Variants in USP11 observed in about 807,000 individuals in gnomAD.
The protein encoded by USP11 is ubiquitin carboxyl-terminal hydrolase 11.
In USP11, 5 loss-of-function variants were observed where a neutral mutation model predicts 72.8. That is an observed-to-expected ratio of 0.07 (90% CI 0.04 to 0.14). USP11 has a LOEUF of 0.14. Ranked by LOEUF, USP11 falls within the 10% of genes least tolerant of loss-of-function variation. The pLI is 1.00. For synonymous variants in USP11, 368 were observed against 326.5 expected (o/e 1.13, Z -1.37); for missense variants, 480 against 794.7 (o/e 0.60, Z 4.76).
At chrX:47,241,481 C>T (rs200500834) in intron 8 of USP11, 31 bp downstream of exon 8, 4 of 1,190,680 alleles carry the variant, frequency 3.4e-6, no homozygotes, top group Non-Finnish European at 4.5e-6. Context: ...CCCCCGACCC[C>T]CTACGTCTCT....
rs138367954 is a variant in USP11, at chrX:47,242,288, G to A, written c.1386G>A (p.Pro462=). 2.6e-3 allele frequency: 3,178 copies of A among 1,210,278 alleles called. 110 individuals are homozygous for A. The East Asian group carries it at 0.077, about 29-fold the overall frequency. ...AGGTCTTCTTTATCCCCATGGATCC[G>A]CGCCGCAAGCCAGAGCAGGTGTGGG... ...VLEVFFIPMD[P]RRKPEQHRLV... The change falls in exon 10 of 21, where the codon CCG becomes CCA. Residue 462 remains proline (P), a synonymous_variant. Coordinates refer to ENST00000377107, the MANE Select transcript of USP11 (RefSeq NM_001371072.1).
At chrX:47,235,760 ATGAGT>A (rs1314242504) in intron 1 of USP11, among the ~76,000 whole-genome samples, 4 of 110,732 alleles carry the variant, frequency 3.6e-5, no homozygotes, top group Admixed American at 2.9e-4. Context: ...TACTGGGGAG[ATGAGT>A]TGAGATTTTC....
chrX:47,233,226 C>G lies in USP11; in HGVS notation c.176+7C>G. 1 of 1,141,687 alleles carries G rather than the reference C, an allele frequency of 8.8e-7. No homozygotes were observed. Among genetic ancestry groups the G allele is most frequent in the South Asian group, 1.9e-5 (1 of 51,726 alleles). The allele number at this position is 1,141,687 out of a possible 1,213,427, so 94.1% of individuals were successfully genotyped here. On this transcript the variant is annotated splice_region_variant and intron_variant, in intron 1 of 20. Transcript: ENST00000377107. ...TGCGGGCCGGCGAAAGCTGGTGAGG[C>G]TGGGCTGCGGTGGAGCCTCGGCAGA... is the stretch of plus-strand genomic sequence containing the variant.
chrX:47,243,279 A>AT (rs2055413540), intron 12 of USP11, 117 bp from the exon 13 acceptor site: 1 of 682,317 alleles, frequency 1.5e-6, no homozygotes, highest in Admixed American at 4.1e-5. Context: ...AAATAAATAA[A>AT]TAAATAAAAA....
rs769015757 is a variant in USP11, at chrX:47,237,617, AATG to A, written c.177-1450_177-1448del. ...GACAGAGCAAGACTCTGTCTCAAAA[AATG>A]ATAATAATAATAATGAGGTTAAATT... is the stretch of plus-strand genomic sequence containing the variant. On this transcript the variant is annotated intron_variant, in intron 1 of 20. Transcript: ENST00000377107. Among the ~76,000 whole-genome samples, 273 of 111,533 alleles carry A rather than the reference AATG, an allele frequency of 2.4e-3. 3 individuals are homozygous for A. The highest frequency in any genetic ancestry group is 8.5e-4 in the Non-Finnish European group (45 of 53,058).
chrX:47,233,796 GTGGAGGGGAGGTGGTGCCTATGAGGCAGA>G, intron 1 of USP11: 3 of 44,213 alleles, frequency 6.8e-5, no homozygotes, highest in Non-Finnish European at 3.0e-4. Context: ...AGGGACGACA[GTGGAGGGGAGGTGGTGCCTATGAGGCAGA>G]AAATGGCGCC....
chrX:47,233,519 G>A, intron 1 of USP11: 1 of 938,590 alleles, frequency 1.1e-6, no homozygotes, highest in South Asian at 4.3e-5. Flanking sequence ...AACTGCGTAG[G>A]AACCTGGGAA....
rs1423691689 is a variant in USP11, at chrX:47,233,072, C to T, written c.29C>T (p.Ala10Val). The T allele has an allele frequency of 8.3e-7, 1 of 1,208,518 alleles. No homozygotes were observed. Among genetic ancestry groups the T allele is most frequent in the Middle Eastern group, 2.4e-4 (1 of 4,234 alleles). ...GCGACGGTCGCAGCAAATCCAGCTG[C>T]TGCTGCGGCGGCTGTGGCGGCGGCA... MATVAANPA[A>V]AAAAVAAAAA... The change falls in exon 1 of 21, where the codon GCT becomes GTT. Residue 10 changes from alanine (A) to valine (V), a missense_variant. Ala to Val is a moderately conservative substitution (Grantham distance 64). This residue lies in a region of USP11 where 71 missense variants were observed against 71.4 expected (regional missense o/e 0.99). Transcript: ENST00000377107.
chrX:47,233,191 G>A lies in USP11; in HGVS notation c.148G>A (p.Glu50Lys), dbSNP rs749048718. Residue 50 changes from glutamate (E) to lysine (K), a missense_variant, in exon 1 of 21, where the codon GAA (glutamate) becomes AAA (lysine). By Grantham distance (56) the Glu-to-Lys change is moderately conservative. Coordinates refer to ENST00000377107, the MANE Select transcript of USP11 (RefSeq NM_001371072.1). ...RQIENGESGR[E>K]RPLRAGESWF... The stretch of plus-strand genomic sequence containing the variant: ...GATAGAAAACGGCGAGAGTGGGCGA[G>A]AACGTCCACTGCGGGCCGGCGAAAG... The A allele has an allele frequency of 1.0e-5, 12 of 1,179,107 alleles. No individual in the cohort carries two copies. The African/African-American group carries it at 2.1e-4, about 21-fold the overall frequency.
chrX:47,234,159 C>T, intron 1 of USP11, among the ~76,000 whole-genome samples: 1 of 111,249 alleles, frequency 9.0e-6, no homozygotes, highest in Middle Eastern at 4.7e-3. Flanking sequence ...TTATATAAAA[C>T]ATTTACGCAG....
intron 1 of USP11, among the ~76,000 whole-genome samples, chrX:47,237,786 ATGTGTG>A (rs763902030): frequency 0.076 from 2,898 of 38,314 alleles, 122 homozygotes; most frequent in African/African-American, 0.14. Context: ...GTGTGTGTGT[ATGTGTG>A]TGTGTGTGTG....
chrX:47,245,435 C>A lies in USP11; in HGVS notation c.2223C>A (p.Cys741Ter), dbSNP rs781395709. 8.3e-7 allele frequency: 1 copy of A among 1,209,818 alleles called. No individual in the cohort carries two copies. Among genetic ancestry groups the A allele is most frequent in the South Asian group, 1.8e-5 (1 of 56,834 alleles). Reference protein sequence around the residue: ...MKKAPVRLQECIELFTTVETL... With the variant: ...MKKAPVRLQE ...AGGCTCCCGTGCGGCTGCAGGAGTG[C>A]ATTGAGCTCTTCACCACTGTGGAGA... Residue 741 changes from cysteine to a stop codon, truncating the protein, a stop_gained, in exon 17 of 21, where the codon TGC (cysteine) becomes TGA (stop). Transcript: ENST00000377107. LOFTEE classifies it high-confidence loss of function.
chrX:47,234,535 C>T (rs901176513), intron 1 of USP11, among the ~76,000 whole-genome samples: 1 of 111,119 alleles, frequency 9.0e-6, no homozygotes, highest in African/African-American at 3.3e-5. Context: ...GGGATAAGAA[C>T]GCATCGTGTA....
intron 1 of USP11, among the ~76,000 whole-genome samples, chrX:47,234,973 G>A (rs1477719372): frequency 8.9e-6 from 1 of 112,196 alleles, no homozygotes; most frequent in Non-Finnish European, 1.9e-5. Flanking sequence ...AAGGACATAT[G>A]GGGATTCTCT....
At chrX:47,242,057 C>G (rs770034367) in intron 9 of USP11, 25 bp from the exon 10 acceptor site, 1 of 1,200,004 alleles carries the variant, frequency 8.3e-7, no homozygotes. Context: ...GCAAGCCCCA[C>G]CACCCACCAT....
intron 1 of USP11, among the ~76,000 whole-genome samples, chrX:47,236,510 T>A (rs773732007): frequency 8.9e-6 from 1 of 112,551 alleles, no homozygotes; most frequent in African/African-American, 3.2e-5. Context: ...ATTTAATTTC[T>A]GGGAGAAGCT....
In USP11 at chrX:47,239,186, G is replaced by A. The variant is rs755598103; in HGVS notation, c.286+7G>A. ...AATGCCACACTCTTTCAAGGTACAAGGCCTTTGCCTCCTTCTCACCCTAGC... is the reference window on the plus strand; with the variant it reads ...AATGCCACACTCTTTCAAGGTACAAAGCCTTTGCCTCCTTCTCACCCTAGC... On this transcript the variant is annotated splice_region_variant and intron_variant, in intron 2 of 20. Transcript: ENST00000377107. 11 of 1,199,741 alleles carry A rather than the reference G, an allele frequency of 9.2e-6. No individual in the cohort carries two copies. The highest frequency in any genetic ancestry group is 2.2e-5 in the Admixed American group (1 of 44,861).
intron 1 of USP11, among the ~76,000 whole-genome samples, chrX:47,237,786 A>ATATGTG: frequency 5.2e-5 from 2 of 38,371 alleles, no homozygotes; most frequent in South Asian, 2.1e-3. Context: ...GTGTGTGTGT[A>ATATGTG]TGTGTGTGTG....
At chrX:47,233,475 C>T in intron 1 of USP11, 3 of 1,011,800 alleles carry the variant, frequency 3.0e-6, no homozygotes, top group Non-Finnish European at 3.7e-6. Flanking sequence ...AGACCAGTTT[C>T]GGTCCTGGAG....
Sources: allele counts gnomAD v4.1 joint callset (sites outside exome capture counted in the v4.1 genomes callset), GRCh38; gene constraint gnomAD v4.1.1; regional missense constraint gnomAD v4.1.1; transcripts MANE v1.5; gene names NCBI Gene and HGNC (gene_info 2026-07-23, HGNC 2026-07-21).